PHF20L1: variants seen among roughly 807,000 people sequenced by gnomAD.
PHF20L1 encodes PHD finger protein 20-like protein 1.
A neutral mutation model predicts 125.5 loss-of-function variants in PHF20L1; 44 were observed. The observed-to-expected ratio is 0.35, with a 90% CI of 0.28 to 0.45. The LOEUF is 0.45. Among genes scored for constraint, PHF20L1 ranks in the 20% least tolerant of loss-of-function variants. The pLI is 1.00. For synonymous variants in PHF20L1, 380 were observed against 403.1 expected, an observed-to-expected ratio of 0.94 and a Z score of 0.69; for missense variants, 1,012 against 1,217.2, an observed-to-expected ratio of 0.83 and a Z score of 2.51.
intron 12 of PHF20L1, among the ~76,000 whole-genome samples, chr8:132,822,259 G>A (rs1835688766): frequency 6.6e-6 from 1 of 151,926 alleles, no homozygotes; most frequent in South Asian, 2.1e-4. Flanking sequence ...TAACTTCCGT[G>A]TTTCTGGTGC....
At chr8:132,798,016 T>G (rs1460959972) in intron 4 of PHF20L1, among the ~76,000 whole-genome samples, 1 of 152,060 alleles carries the variant, frequency 6.6e-6, no homozygotes, top group African/African-American at 2.4e-5. Flanking sequence ...TTATATTGAC[T>G]TGAAAGCATG....
intron 2 of PHF20L1, among the ~76,000 whole-genome samples, chr8:132,782,995 T>A (rs1830607354): frequency 6.6e-6 from 1 of 152,204 alleles, no homozygotes; most frequent in South Asian, 2.1e-4. Flanking sequence ...AGAAAACTGA[T>A]AAAATCACAC....
chr8:132,831,566 G>A (rs1207879141), intron 14 of PHF20L1, among the ~76,000 whole-genome samples: 1 of 151,998 alleles, frequency 6.6e-6, no homozygotes, highest in East Asian at 1.9e-4. Flanking sequence ...TAATTGGTGT[G>A]CCAGACATCA....
chr8:132,775,743 C>T, intron 1 of PHF20L1, 98 bp downstream of exon 1: 1 of 278,498 alleles, frequency 3.6e-6, no homozygotes. Flanking sequence ...GCCCGCTCCC[C>T]TCCCGCCTCC....
intron 8 of PHF20L1, chr8:132,810,503 A>G (rs1834257266): frequency 2.0e-5 from 3 of 152,276 alleles, no homozygotes; most frequent in Admixed American, 6.5e-5. Flanking sequence ...CATAAAATGG[A>G]TCCATCTGTG....
At chr8:132,826,903 A>G (rs980072434) in intron 14 of PHF20L1, 7 of 151,972 alleles carry the variant, frequency 4.6e-5, no homozygotes, top group South Asian at 2.1e-4. Flanking sequence ...TACAAATCCA[A>G]CCGGGCAGTT....
chr8:132,817,196 A>C, intron 11 of PHF20L1, 120 bp downstream of exon 11: 1 of 890,828 alleles, frequency 1.1e-6, no homozygotes, highest in Admixed American at 2.9e-5. Flanking sequence ...AGTTATAAGC[A>C]CTTCACTTAT....
In PHF20L1 at chr8:132,817,394, C is replaced by G. The variant is rs1563824825; in HGVS notation, c.1428C>G (p.Asp476Glu). The change falls in exon 12 of 21, where the codon GAC becomes GAG. Residue 476 changes from aspartate (D) to glutamate (E), a missense_variant. By Grantham distance (45) the Asp-to-Glu change is conservative. Around this residue, in one of 7 missense-constraint regions of PHF20L1, gnomAD observed 320 missense variants for 293.8 expected, o/e 1.09. Transcript: ENST00000395386. The part of the protein sequence containing the change: ...LEKLGPCLPL[D>E]LSRGSEVTAP... The stretch of plus-strand genomic sequence containing the variant: ...AGCTGGGACCCTGTCTCCCTCTTGA[C>G]TTAAGTCGTGGTTCAGAAGTTACAG... 1 of 1,612,814 alleles carries G rather than the reference C, an allele frequency of 6.2e-7. No individual in the cohort carries two copies. Among genetic ancestry groups the G allele is most frequent in the East Asian group, 2.2e-5 (1 of 44,832 alleles).
chr8:132,792,595 C>G (rs186110992), intron 2 of PHF20L1, among the ~76,000 whole-genome samples: 32 of 152,286 alleles, frequency 2.1e-4, no homozygotes, highest in Admixed American at 3.3e-4. Flanking sequence ...CGGCTTCTTA[C>G]GCCTGCAGAC....
intron 2 of PHF20L1, among the ~76,000 whole-genome samples, chr8:132,783,208 C>A (rs754472318): frequency 2.0e-4 from 31 of 152,098 alleles, no homozygotes; most frequent in Non-Finnish European, 3.8e-4. Flanking sequence ...CTATTTAATT[C>A]TCTTCTAAAT....
rs1335813140 is a variant in PHF20L1 at position 132,846,687 on chromosome 8, C to G, written c.*764C>G. ...GGATTTTAAATATTGTGGGAGTTCT[C>G]CCACCCTAAGTCTTACATAATGCCA... On this transcript the variant is annotated 3_prime_UTR_variant, in exon 21 of 21. Coordinates refer to ENST00000395386, the MANE Select transcript of PHF20L1 (RefSeq NM_016018.5). 6.6e-6 allele frequency: 1 copy of G among 152,366 alleles called. No individual in the cohort carries two copies. The highest frequency in any genetic ancestry group is 1.5e-5 in the Non-Finnish European group (1 of 67,964). 9.4% of individuals were successfully genotyped at this position (152,366 alleles called of 1,614,324 possible). A position where few individuals can be genotyped will look rare whatever the true frequency, so the allele number is the denominator to read the frequency against.
rs1290635956 is a variant in PHF20L1, at chr8:132,847,617, A to G, written c.*1694A>G. ...TTTCAGCTTGCCTTTTTGCGGCCTT[A>G]TATTTTGATGTAAAGATTAAAAGAA... is the stretch of plus-strand genomic sequence containing the variant. On this transcript the variant is annotated 3_prime_UTR_variant, in exon 21 of 21. Transcript: ENST00000395386. 1 of 152,572 alleles carries G rather than the reference A, an allele frequency of 6.6e-6. No individual in the cohort carries two copies. The highest frequency in any genetic ancestry group is 1.9e-4 in the East Asian group (1 of 5,194). 9.5% of individuals were successfully genotyped at this position (152,572 alleles called of 1,614,324 possible).
Position 132,811,039 on chromosome 8 carries a change from TC to T in PHF20L1, c.848-6del. 1 of 1,566,240 alleles carries T rather than the reference TC, an allele frequency of 6.4e-7. No individual in the cohort carries two copies. The highest frequency in any genetic ancestry group is 8.8e-7 in the Non-Finnish European group (1 of 1,136,422). On this transcript the variant is annotated splice_polypyrimidine_tract_variant and splice_region_variant and intron_variant, in intron 8 of 20. Coordinates refer to ENST00000395386, the MANE Select transcript of PHF20L1 (RefSeq NM_016018.5). ...TAATAAGCAATTTCTGTACAATTTTTCTCAAGGTTTGTTGGCATCCAAAGCT... is the reference window on the plus strand; with the variant it reads ...TAATAAGCAATTTCTGTACAATTTTTTCAAGGTTTGTTGGCATCCAAAGCT...
Position 132,799,136 on chromosome 8 carries a change from C to A in PHF20L1, c.471C>A (p.Asp157Glu). 1 of 1,609,976 alleles carries A rather than the reference C, an allele frequency of 6.2e-7. No individual in the cohort carries two copies. The highest frequency in any genetic ancestry group is 8.5e-7 in the Non-Finnish European group (1 of 1,177,412). Residue 157 changes from aspartate to glutamate, a missense_variant, in exon 6 of 21, where the codon GAC (aspartate) becomes GAA (glutamate). Around this residue, in one of 7 missense-constraint regions of PHF20L1, gnomAD observed 134 missense variants for 145.9 expected, o/e 0.92. Transcript: ENST00000395386. ...CACTAAGCTGGTGTTGTCCTATCGACCCAGCTGGATCGTGTAACCAGTCTA... is the reference window on the plus strand; with the variant it reads ...CACTAAGCTGGTGTTGTCCTATCGAACCAGCTGGATCGTGTAACCAGTCTA... ...QHPLSWCCPI[D>E]PAGSCNQSMG...
intron 18 of PHF20L1, chr8:132,841,612 T>A (rs2131932589): frequency 6.6e-6 from 1 of 152,270 alleles, no homozygotes; most frequent in East Asian, 1.9e-4. Context: ...ATTGGATTCC[T>A]GTTTTACTTA....
At chr8:132,785,600 A>G (rs1157280629) in intron 2 of PHF20L1, among the ~76,000 whole-genome samples, 1 of 152,196 alleles carries the variant, frequency 6.6e-6, no homozygotes, top group Non-Finnish European at 1.5e-5. Flanking sequence ...ATTTTGAAGA[A>G]GTGTTGACCA....
At chr8:132,834,370 C>T (rs568244206) in intron 15 of PHF20L1, among the ~76,000 whole-genome samples, 1 of 151,992 alleles carries the variant, frequency 6.6e-6, no homozygotes, top group African/African-American at 2.4e-5. Context: ...AGATCTTGCT[C>T]TGTTGCCTAG....
chr8:132,807,113 TATAC>T (rs1163219546), intron 8 of PHF20L1: 2 of 152,098 alleles, frequency 1.3e-5, no homozygotes, highest in Non-Finnish European at 2.9e-5. Context: ...TATACACACA[TATAC>T]ATACAGATAT....
intron 9 of PHF20L1, 50 bp downstream of exon 9, chr8:132,811,178 C>A: frequency 6.2e-7 from 1 of 1,608,382 alleles, no homozygotes; most frequent in South Asian, 1.1e-5. Context: ...CTGGAATGAT[C>A]ACGGAGCTCT....
Sources: gnomAD v4.1 joint callset for allele counts (sites outside exome capture counted in the v4.1 genomes callset) on GRCh38, gnomAD v4.1.1 for gene constraint, gnomAD v4.1.1 regional missense constraint, MANE v1.5 for transcripts, NCBI Gene and HGNC (gene_info 2026-07-23, HGNC 2026-07-21) for gene names.